Variants in SLC9A1 observed in about 807,000 individuals in gnomAD.
The protein encoded by SLC9A1 is sodium/hydrogen exchanger 1.
Under a neutral mutation model 67.9 loss-of-function variants are expected in SLC9A1, and 22 were observed. That is an observed-to-expected ratio of 0.32 (90% confidence interval 0.23 to 0.46). SLC9A1 has a LOEUF of 0.46. Ranked by LOEUF, SLC9A1 falls within the 20% of genes least tolerant of loss-of-function variation. The pLI is 1.00. For missense variants in SLC9A1, 686 were observed against 1,094.8 expected (o/e 0.63, Z 5.27); for synonymous variants, 421 against 471.8 (o/e 0.89, Z 1.40).
At position 27,105,722 on chromosome 1, in the gene SLC9A1, C is replaced by T. The variant is rs566574351; in HGVS notation, c.1485+163G>A. ...AATTCTCACTTTACGATTGAAGAAA[C>T]TGAGGCCCAGAAAGGGGGAGTGGCT... On this transcript the variant is annotated intron_variant, in intron 5 of 11. Coordinates refer to ENST00000263980, the MANE Select transcript of SLC9A1 (RefSeq NM_003047.5). 5.5e-6 allele frequency: 4 copies of T among 724,116 alleles called. No homozygotes were observed. In the South Asian group the frequency reaches 5.9e-5, roughly 11 times the overall value. 44.9% of individuals were successfully genotyped at this position (724,116 alleles called of 1,614,324 possible). A position where few individuals can be genotyped will look rare whatever the true frequency, so the allele number is the denominator to read the frequency against.
At chr1:27,108,804 C>G (rs554000515) in intron 3 of SLC9A1, among the ~76,000 whole-genome samples, 1 of 152,346 alleles carries the variant, frequency 6.6e-6, no homozygotes, top group East Asian at 1.9e-4. Context: ...CCCAAGGCCA[C>G]ACTGCCTCTT....
chr1:27,119,042 AACACACACACACACAC>A (rs35231148), intron 1 of SLC9A1, among the ~76,000 whole-genome samples: 39 of 139,444 alleles, frequency 2.8e-4, no homozygotes, highest in Non-Finnish European at 2.7e-4. Flanking sequence ...AGCTGGAACG[AACACACACACACACAC>A]ACACACACAC....
intron 1 of SLC9A1, among the ~76,000 whole-genome samples, chr1:27,121,188 A>G (rs964247690): frequency 1.3e-5 from 2 of 152,138 alleles, no homozygotes; most frequent in Non-Finnish European, 2.9e-5. Flanking sequence ...TGCTTGTTTC[A>G]ATCCACATTT....
In SLC9A1 at chr1:27,100,239, G is replaced by T; in HGVS notation, c.*68C>A. 2 of 1,216,982 alleles carry T rather than the reference G, an allele frequency of 1.6e-6. No homozygotes were observed. The highest frequency in any genetic ancestry group is 1.1e-6 in the Non-Finnish European group (1 of 890,922). The allele number at this position is 1,216,982 out of a possible 1,614,324, so 75.4% of individuals were successfully genotyped here. ...ATCCGGGTCAGGAAGGGCAAGGGGA[G>T]CCCCCAGCAGCCCCTGCTCTGGTGG... is the stretch of plus-strand genomic sequence containing the variant. On this transcript the variant is annotated 3_prime_UTR_variant, in exon 12 of 12. Transcript: ENST00000263980. The surrounding 1 kb of genome is among the most constrained non-coding windows in gnomAD (Gnocchi z 5.6).
At chr1:27,147,469 C>T (rs1041032162) in intron 1 of SLC9A1, among the ~76,000 whole-genome samples, 3 of 151,314 alleles carry the variant, frequency 2.0e-5, no homozygotes, top group Admixed American at 6.6e-5. Context: ...CCAGCCTGGG[C>T]GACAGAGTGA....
chr1:27,112,491 G>T (rs1048348153), intron 2 of SLC9A1, among the ~76,000 whole-genome samples: 2 of 152,190 alleles, frequency 1.3e-5, no homozygotes, highest in Non-Finnish European at 2.9e-5. Flanking sequence ...TGTTTCCCAA[G>T]GAAACCAGCT....
chr1:27,144,369 A>C (rs930740352), intron 1 of SLC9A1, among the ~76,000 whole-genome samples: 1 of 152,206 alleles, frequency 6.6e-6, no homozygotes, highest in African/African-American at 2.4e-5. Flanking sequence ...ATCTTCCCAG[A>C]GAGACCCCAC....
intron 1 of SLC9A1, among the ~76,000 whole-genome samples, chr1:27,132,303 G>C (rs1183636121): frequency 2.0e-5 from 3 of 152,098 alleles, no homozygotes; most frequent in African/African-American, 7.2e-5. Flanking sequence ...CATCAATGGA[G>C]AGGAAAGAAC....
intron 1 of SLC9A1, among the ~76,000 whole-genome samples, chr1:27,133,101 T>C (rs1244072756): frequency 1.3e-5 from 2 of 151,414 alleles, no homozygotes; most frequent in African/African-American, 4.9e-5. Context: ...GGAGTCTCAC[T>C]CTCTTGCCCA....
Position 27,128,994 on chromosome 1 carries a change from G to A in SLC9A1, c.353-14708C>T, listed in dbSNP as rs115950344. ...CAAACAAACAAACAAATGCATGCAC[G>A]CACGCACGCATGCCAGACACTCCCG... On this transcript the variant is annotated intron_variant, in intron 1 of 11. Coordinates refer to ENST00000263980, the MANE Select transcript of SLC9A1 (RefSeq NM_003047.5). Among the ~76,000 whole-genome samples, 647 of 152,158 alleles carry A rather than the reference G, an allele frequency of 4.3e-3. 4 individuals are homozygous for A. Among genetic ancestry groups the A allele is most frequent in the African/African-American group, 0.015 (612 of 41,510 alleles).
chr1:27,131,955 T>A (rs377135818), intron 1 of SLC9A1, among the ~76,000 whole-genome samples: 51,988 of 103,138 alleles, frequency 0.5, 13,968 homozygotes, highest in East Asian at 0.72. Context: ...AAAATATATA[T>A]ATATATATAT....
intron 1 of SLC9A1, among the ~76,000 whole-genome samples, chr1:27,147,533 T>C (rs1186521082): frequency 6.6e-6 from 1 of 151,920 alleles, no homozygotes; most frequent in Non-Finnish European, 1.5e-5. Flanking sequence ...TCAGGTGTGA[T>C]GGCTCATCCC....
chr1:27,145,617 G>A (rs2083480331), intron 1 of SLC9A1, among the ~76,000 whole-genome samples: 1 of 152,252 alleles, frequency 6.6e-6, no homozygotes, highest in Non-Finnish European at 1.5e-5. Context: ...CTGTGGCAAG[G>A]CCAGTCTGGG....
chr1:27,107,517 A>G, intron 4 of SLC9A1, 131 bp downstream of exon 4: 1 of 698,708 alleles, frequency 1.4e-6, no homozygotes, highest in Non-Finnish European at 2.5e-6. Context: ...ACTGCACCAC[A>G]TGCACACACC....
At chr1:27,133,444 C>T (rs1463035437) in intron 1 of SLC9A1, among the ~76,000 whole-genome samples, 1 of 152,114 alleles carries the variant, frequency 6.6e-6, no homozygotes, top group Admixed American at 6.6e-5. Context: ...TTTCCTGAAG[C>T]TGAGGAGACC....
intron 4 of SLC9A1, 115 bp downstream of exon 4, chr1:27,107,533 G>T: frequency 1.3e-6 from 1 of 766,040 alleles, no homozygotes; most frequent in Non-Finnish European, 2.2e-6. Flanking sequence ...ACACCACATA[G>T]CCTGGCCCTT....
chr1:27,132,288 G>A (rs1237063505), intron 1 of SLC9A1, among the ~76,000 whole-genome samples: 1 of 152,086 alleles, frequency 6.6e-6, no homozygotes, highest in African/African-American at 2.4e-5. Context: ...AATGGTGACT[G>A]TTGTCATCAA....
rs973755638 is a variant in SLC9A1 at position 27,118,060 on chromosome 1, C to G, written c.353-3774G>C. Among the ~76,000 whole-genome samples, 1 of 152,198 alleles carries G rather than the reference C, an allele frequency of 6.6e-6. No homozygotes were observed. ...GGCTGCATGCACTCAGCCAGGCCAACCAGGACTGGGTCCCGGGCCTCCTGA... is the reference window on the plus strand; with the variant it reads ...GGCTGCATGCACTCAGCCAGGCCAAGCAGGACTGGGTCCCGGGCCTCCTGA... On this transcript the variant is annotated intron_variant, in intron 1 of 11. Coordinates refer to ENST00000263980, the MANE Select transcript of SLC9A1 (RefSeq NM_003047.5). This position sits in a 1 kb window ranked among gnomAD's most constrained non-coding sequence, Gnocchi z 4.3.
chr1:27,119,027 G>A (rs1356377918), intron 1 of SLC9A1, among the ~76,000 whole-genome samples: 2 of 146,178 alleles, frequency 1.4e-5, no homozygotes, highest in African/African-American at 5.1e-5. Context: ...TCTAGTGTAG[G>A]TGGTAGCTGG....
Sources: gnomAD v4.1 joint callset for allele counts (sites outside exome capture counted in the v4.1 genomes callset) on GRCh38, gnomAD v4.1.1 for gene constraint, Gnocchi (gnomAD v3.1) non-coding constraint, MANE v1.5 for transcripts, NCBI Gene and HGNC (gene_info 2026-07-23, HGNC 2026-07-21) for gene names.